AKAP11: variants seen among roughly 807,000 people sequenced by gnomAD.
The protein encoded by AKAP11 is A-kinase anchoring protein 11.
In AKAP11, 36 loss-of-function variants were observed where a neutral mutation model predicts 146.1. The observed-to-expected ratio is 0.25, with a 90% CI of 0.19 to 0.33. The LOEUF (loss-of-function observed/expected upper bound fraction) is 0.33, where lower values mean the gene tolerates loss of function less well. AKAP11 is among the 10% of genes least tolerant of loss of function. AKAP11 has a pLI of 1.00. For missense variants in AKAP11, 2,201 were observed against 2,197.0 expected (o/e 1.00, Z -0.04); for synonymous variants, 780 against 786.5 (o/e 0.99, Z 0.14).
In AKAP11 at chr13:42,300,421, G is replaced by A; in HGVS notation, c.1675G>A (p.Glu559Lys). 1 of 1,613,088 alleles carries A rather than the reference G, an allele frequency of 6.2e-7. No homozygotes were observed. The highest frequency in any genetic ancestry group is 8.5e-7 in the Non-Finnish European group (1 of 1,179,780). ...TCAAAAATTTGCAGCAGATCTTGTG[G>A]AAAAAAGTTTTGGCAGTGCATTTAA... is the stretch of plus-strand genomic sequence containing the variant. ...SIQKFAADLVEKSFGSAFKDL... is the reference protein window; with the variant it reads ...SIQKFAADLVKKSFGSAFKDL... The change falls in exon 8 of 13, where the codon GAA (glutamate) becomes AAA (lysine). Residue 559 changes from glutamate (E) to lysine (K), a missense_variant. Physicochemically the swap from Glu to Lys is moderately conservative, Grantham distance 56. This residue lies in a region of AKAP11 where 1,867 missense variants were observed against 1,833.5 expected (regional missense o/e 1.02). Coordinates refer to ENST00000025301, the MANE Select transcript of AKAP11 (RefSeq NM_016248.4).
chr13:42,281,945 G>A (rs1280015124), intron 1 of AKAP11, among the ~76,000 whole-genome samples: 1 of 151,486 alleles, frequency 6.6e-6, no homozygotes, highest in Non-Finnish European at 1.5e-5. Flanking sequence ...TTACATATGT[G>A]TGTCAGAGTT....
intron 1 of AKAP11, among the ~76,000 whole-genome samples, chr13:42,274,159 GT>G (rs1339154458): frequency 6.6e-6 from 1 of 151,748 alleles, no homozygotes; most frequent in South Asian, 2.1e-4. Context: ...AACTGATTTT[GT>G]TTTTTTTCCT....
At position 42,303,343 on chromosome 13, in the gene AKAP11, G is replaced by A. The variant is rs776805564; in HGVS notation, c.4597G>A (p.Gly1533Arg). 1 of 1,612,634 alleles carries A rather than the reference G, an allele frequency of 6.2e-7. No homozygotes were observed. The highest frequency in any genetic ancestry group is 8.5e-7 in the Non-Finnish European group (1 of 1,180,020). ...STGSLNGYGC[G>R]DNVVQAVEQY... ...TGGCAGTTTAAATGGATATGGTTGT[G>A]GAGACAATGTTGTTCAAGCTGTAGA... The change falls in exon 8 of 13, where the codon GGA (glycine) becomes AGA (arginine). Residue 1533 changes from glycine to arginine, a missense_variant. Around this residue, in one of 3 missense-constraint regions of AKAP11, gnomAD observed 1,867 missense variants for 1,833.5 expected, o/e 1.02. Coordinates refer to ENST00000025301, the MANE Select transcript of AKAP11 (RefSeq NM_016248.4).
intron 3 of AKAP11, among the ~76,000 whole-genome samples, chr13:42,290,962 T>C (rs2138511561): frequency 6.6e-6 from 1 of 152,336 alleles, no homozygotes; most frequent in East Asian, 1.9e-4. Flanking sequence ...GGTCATTGTT[T>C]CTAAGACTTT....
intron 1 of AKAP11, among the ~76,000 whole-genome samples, chr13:42,275,995 A>T (rs1015038079): frequency 3.9e-5 from 6 of 152,182 alleles, no homozygotes; most frequent in Non-Finnish European, 8.8e-5. Flanking sequence ...CTTCAGTGAC[A>T]CTAAATTCTT....
At position 42,303,619 on chromosome 13, in the gene AKAP11, A is replaced by C; in HGVS notation, c.4873A>C (p.Ser1625Arg). 2 of 1,614,208 alleles carry C rather than the reference A, an allele frequency of 1.2e-6. No homozygotes were observed. The highest frequency in any genetic ancestry group is 1.7e-6 in the Non-Finnish European group (2 of 1,180,024). Residue 1625 changes from serine (S) to arginine (R), a missense_variant, in exon 8 of 13, where the codon AGC (serine) becomes CGC (arginine). Ser to Arg is a moderately radical substitution (Grantham distance 110, BLOSUM62 -1). Around this residue, in one of 3 missense-constraint regions of AKAP11, gnomAD observed 1,867 missense variants for 1,833.5 expected, o/e 1.02. Transcript: ENST00000025301. ...SKPASNPKFS[S>R]RYQKSRIFHL... ...GCCAGCTTCTAATCCAAAATTTAGC[A>C]GCCGCTATCAGAAATCTAGGATTTT...
At chr13:42,296,454 G>A (rs959701985) in intron 5 of AKAP11, among the ~76,000 whole-genome samples, 1 of 151,998 alleles carries the variant, frequency 6.6e-6, no homozygotes, top group East Asian at 1.9e-4. Flanking sequence ...TGTTTATAAA[G>A]GAAAGTACTC....
intron 3 of AKAP11, among the ~76,000 whole-genome samples, chr13:42,292,077 T>G (rs984285423): frequency 6.6e-6 from 1 of 152,208 alleles, no homozygotes; most frequent in Admixed American, 6.5e-5. Context: ...AAATCAGATA[T>G]GCAGTTTGTT....
In AKAP11 at chr13:42,299,912, A is replaced by G; in HGVS notation, c.1166A>G (p.His389Arg). 4 of 1,614,018 alleles carry G rather than the reference A, an allele frequency of 2.5e-6. No homozygotes were observed. Among genetic ancestry groups the G allele is most frequent in the Non-Finnish European group, 3.4e-6 (4 of 1,179,888 alleles). The change falls in exon 8 of 13, where the codon CAC becomes CGC. Residue 389 changes from histidine (H) to arginine (R), a missense_variant. His to Arg is a conservative substitution (Grantham distance 29, BLOSUM62 0). This residue lies in a region of AKAP11 where 1,867 missense variants were observed against 1,833.5 expected (regional missense o/e 1.02). Transcript: ENST00000025301. Reference protein sequence around the residue: ...VIGKSSQRKGHKHGKSCMNPQ... With the variant: ...VIGKSSQRKGRKHGKSCMNPQ... Reference sequence around the variant, plus strand: ...GGGAAGTCATCGCAGAGGAAAGGGCACAAACATGGAAAGTCATGTATGAAT... The same window carrying G: ...GGGAAGTCATCGCAGAGGAAAGGGCGCAAACATGGAAAGTCATGTATGAAT...
chr13:42,275,881 A>G (rs761221029), intron 1 of AKAP11, among the ~76,000 whole-genome samples: 1 of 152,168 alleles, frequency 6.6e-6, no homozygotes, highest in Non-Finnish European at 1.5e-5. Context: ...TGTGGCAGGT[A>G]CTGTGATACA....
intron 8 of AKAP11, 60 bp downstream of exon 8, chr13:42,303,923 T>C: frequency 6.7e-7 from 1 of 1,499,332 alleles, no homozygotes; most frequent in East Asian, 2.3e-5. Flanking sequence ...TGTGATCCTA[T>C]ATGTCTTAGG....
rs1051680901 is a variant in AKAP11, at chr13:42,291,896, C to T, written c.52-489C>T. Among the ~76,000 whole-genome samples the T allele has an allele frequency of 2.0e-5, 3 of 152,268 alleles. No individual in the cohort carries two copies. In the South Asian group the frequency reaches 6.2e-4, roughly 32 times the overall value. On this transcript the variant is annotated intron_variant, in intron 3 of 12. Transcript: ENST00000025301. ...TTTCATCAGACAGCTTCCTTAAGAT[C>T]CATGGAAAACCTTATTTTGGATTAT...
chr13:42,295,838 C>A (rs1266055098), intron 5 of AKAP11, 96 bp downstream of exon 5: 3 of 1,113,576 alleles, frequency 2.7e-6, no homozygotes, highest in Non-Finnish European at 4.0e-6. Context: ...AGGTTGCAAA[C>A]CGCAGACTGA....
At chr13:42,281,079 T>C (rs913989290) in intron 1 of AKAP11, among the ~76,000 whole-genome samples, 10 of 152,156 alleles carry the variant, frequency 6.6e-5, no homozygotes, top group Admixed American at 2.0e-4. Context: ...AAATTAGATA[T>C]ACAGAACTGA....
At chr13:42,293,158 G>A (rs1042669852) in intron 4 of AKAP11, among the ~76,000 whole-genome samples, 3 of 152,102 alleles carry the variant, frequency 2.0e-5, no homozygotes, top group African/African-American at 4.8e-5. Flanking sequence ...AATATTTGAA[G>A]TTAAAACATT....
chr13:42,309,683 A>G (rs1960454265), intron 9 of AKAP11, among the ~76,000 whole-genome samples: 2 of 152,208 alleles, frequency 1.3e-5, no homozygotes, highest in Admixed American at 6.5e-5. Context: ...AGTGTTTAAA[A>G]CTGGTAGAAG....
At position 42,307,231 on chromosome 13, in the gene AKAP11, T is replaced by C. The variant is rs117472259; in HGVS notation, c.5118-1223T>C. ...CAGTATCATTCTGTATCTTACAAAA[T>C]TAGAATAGCTGAAAAAATGGGGGGC... On this transcript the variant is annotated intron_variant, in intron 8 of 12. Coordinates refer to ENST00000025301, the MANE Select transcript of AKAP11 (RefSeq NM_016248.4). Among the ~76,000 whole-genome samples, 1,288 of 152,224 alleles carry C rather than the reference T, an allele frequency of 8.5e-3. 15 individuals carry two copies. The highest frequency in any genetic ancestry group is 0.079 in the East Asian group (408 of 5,182).
At chr13:42,281,089 A>T (rs1170100793) in intron 1 of AKAP11, among the ~76,000 whole-genome samples, 1 of 152,232 alleles carries the variant, frequency 6.6e-6, no homozygotes, top group Non-Finnish European at 1.5e-5. Context: ...TACAGAACTG[A>T]AGAATAAATT....
chr13:42,299,340 A>C, intron 7 of AKAP11, 23 bp from the exon 8 acceptor site: 1 of 1,560,712 alleles, frequency 6.4e-7, no homozygotes, highest in Non-Finnish European at 8.6e-7. Context: ...AAATAATTTC[A>C]CCATTTCATT....
Sources: gnomAD v4.1 joint callset for allele counts (sites outside exome capture counted in the v4.1 genomes callset) on GRCh38, gnomAD v4.1.1 for gene constraint, gnomAD v4.1.1 regional missense constraint, MANE v1.5 for transcripts, NCBI Gene and HGNC (gene_info 2026-07-23, HGNC 2026-07-21) for gene names.